Variants in AFAP1L1 observed in about 807,000 individuals in gnomAD.
AFAP1L1 encodes actin filament-associated protein 1-like 1.
AFAP1L1 carries 77 observed loss-of-function variants against 99.8 expected under a neutral mutation model. The ratio of observed to expected loss-of-function variants is 0.77; its 90% CI spans 0.64 to 0.93. The LOEUF is 0.93. Ranked by LOEUF, AFAP1L1 falls within the 40% of genes least tolerant of loss-of-function variation. The probability of loss-of-function intolerance (pLI) is 0.00; values close to 1 mark genes in which losing one functional copy is unlikely to be tolerated. For synonymous variants in AFAP1L1, 373 were observed against 395.3 expected, an observed-to-expected ratio of 0.94 and a Z score of 0.67; for missense variants, 893 against 996.8, an observed-to-expected ratio of 0.90 and a Z score of 1.40.
chr5:149,320,344 A>C lies in AFAP1L1; in HGVS notation c.1626-47A>C. Reference sequence around the variant, plus strand: ...AGGACACGAAAGCACTGTAAGCTGCAAAGCATCATTGTCATTGTCATTGTC... The same window carrying C: ...AGGACACGAAAGCACTGTAAGCTGCCAAGCATCATTGTCATTGTCATTGTC... On this transcript the variant is annotated intron_variant, in intron 13 of 18. Coordinates refer to ENST00000296721, the MANE Select transcript of AFAP1L1 (RefSeq NM_152406.4). The surrounding 1 kb of genome is among the most constrained non-coding windows in gnomAD (Gnocchi z 4.0). 1 of 1,584,160 alleles carries C rather than the reference A, an allele frequency of 6.3e-7. No homozygotes were observed. Among genetic ancestry groups the C allele is most frequent in the Non-Finnish European group, 8.7e-7 (1 of 1,153,370 alleles).
chr5:149,299,737 C>A, intron 2 of AFAP1L1, 100 bp downstream of exon 2: 2 of 1,537,434 alleles, frequency 1.3e-6, no homozygotes, highest in Non-Finnish European at 8.8e-7. Flanking sequence ...CCGCCCCACC[C>A]CCACCCCCAG....
chr5:149,306,437 A>C (rs1756416643), intron 6 of AFAP1L1, 33 bp downstream of exon 6: 1 of 1,573,280 alleles, frequency 6.4e-7, no homozygotes, highest in Non-Finnish European at 8.7e-7. Context: ...GATGCTGGGC[A>C]GGGCTTCTGC....
chr5:149,290,235 A>T (rs564168504), intron 1 of AFAP1L1, among the ~76,000 whole-genome samples: 58 of 152,360 alleles, frequency 3.8e-4, no homozygotes, highest in Non-Finnish European at 7.4e-4. Context: ...TCCCCCAAAA[A>T]TAAGACTTAA....
In AFAP1L1 at chr5:149,271,869, G is replaced by C; in HGVS notation, c.-100G>C. The C allele has an allele frequency of 1.0e-6, 1 of 955,326 alleles. No individual in the cohort carries two copies. The highest frequency in any genetic ancestry group is 1.3e-6 in the Non-Finnish European group (1 of 753,252). 59.2% of individuals were successfully genotyped at this position (955,326 alleles called of 1,614,324 possible). A position where few individuals can be genotyped will look rare whatever the true frequency, so the allele number is the denominator to read the frequency against. On this transcript the variant is annotated 5_prime_UTR_variant, in exon 1 of 19. Transcript: ENST00000296721. ...GGGGGAGGGGACCGCAGAGAGCGCC[G>C]GCCGCTGGGCTGGCCTGAGAGCGCA... is the stretch of plus-strand genomic sequence containing the variant.
intron 18 of AFAP1L1, among the ~76,000 whole-genome samples, chr5:149,336,339 A>G (rs1400848818): frequency 1.3e-5 from 2 of 152,254 alleles, no homozygotes; most frequent in Non-Finnish European, 2.9e-5. Flanking sequence ...ATATCAGGTC[A>G]GGTCAAGTTT....
At chr5:149,307,283 C>A in intron 6 of AFAP1L1, 119 bp from the exon 7 acceptor site, 1 of 1,027,466 alleles carries the variant, frequency 9.7e-7, no homozygotes, top group Non-Finnish European at 1.5e-6. Context: ...TTACCAGTGT[C>A]ATGCCTAATG....
At chr5:149,326,920 T>A (rs2127602171) in intron 15 of AFAP1L1, among the ~76,000 whole-genome samples, 1 of 152,210 alleles carries the variant, frequency 6.6e-6, no homozygotes, top group Middle Eastern at 3.4e-3. Flanking sequence ...TAGACTACAA[T>A]AAAATAGTTC....
At chr5:149,323,904 GACA>G (rs1450168289) in intron 15 of AFAP1L1, among the ~76,000 whole-genome samples, 1 of 152,164 alleles carries the variant, frequency 6.6e-6, no homozygotes, top group African/African-American at 2.4e-5. Flanking sequence ...GAATGTCAAC[GACA>G]ACAACAAAAA....
At chr5:149,300,191 T>C in intron 2 of AFAP1L1, 80 bp from the exon 3 acceptor site, 1 of 954,356 alleles carries the variant, frequency 1.0e-6, no homozygotes, top group Non-Finnish European at 1.6e-6. Context: ...GTGTCCCATG[T>C]GGGCTAGAAG....
At chr5:149,321,485 GGGAGGCTGA>G (rs1351557936) in intron 14 of AFAP1L1, among the ~76,000 whole-genome samples, 1 of 152,064 alleles carries the variant, frequency 6.6e-6, no homozygotes, top group East Asian at 1.9e-4. Context: ...CCAGTACTTT[GGGAGGCTGA>G]GGTGGGTGGA....
chr5:149,307,733 G>T, intron 7 of AFAP1L1, 120 bp downstream of exon 7: 4 of 985,374 alleles, frequency 4.1e-6, no homozygotes, highest in South Asian at 3.1e-5. Flanking sequence ...GTGCACAGAA[G>T]CTCAAAGGCC....
chr5:149,311,098 C>G (rs539213169), intron 8 of AFAP1L1, among the ~76,000 whole-genome samples: 14 of 152,312 alleles, frequency 9.2e-5, no homozygotes, highest in Admixed American at 9.1e-4. Context: ...CTTGCACCGC[C>G]TCTACTTCAC....
At position 149,302,384 on chromosome 5, in the gene AFAP1L1, C is replaced by T. The variant is rs373671366; in HGVS notation, c.328-34C>T. The stretch of plus-strand genomic sequence containing the variant: ...CAGCCTCTCTCTCCCTACCCTGCTC[C>T]GCTCCCCTAGCCCTCTTTTTTGTCC... On this transcript the variant is annotated intron_variant, in intron 4 of 18. Transcript: ENST00000296721. The T allele has an allele frequency of 6.7e-5, 101 of 1,517,718 alleles. 2 individuals carry two copies. The African/African-American group carries it at 8.4e-4, about 13-fold the overall frequency. 94.0% of individuals were successfully genotyped at this position (1,517,718 alleles called of 1,614,324 possible).
intron 18 of AFAP1L1, among the ~76,000 whole-genome samples, chr5:149,338,563 C>CTT (rs1757471688): frequency 6.6e-6 from 1 of 152,206 alleles, no homozygotes; most frequent in Non-Finnish European, 1.5e-5. Flanking sequence ...TTCTTTCCTA[C>CTT]AGTTAGTCAT....
At chr5:149,283,925 A>G (rs1319972123) in intron 1 of AFAP1L1, among the ~76,000 whole-genome samples, 1 of 152,200 alleles carries the variant, frequency 6.6e-6, no homozygotes, top group Non-Finnish European at 1.5e-5. Context: ...GGGTCCCTGA[A>G]TCTCCCAGTG....
At position 149,295,527 on chromosome 5, in the gene AFAP1L1, A is replaced by G. The variant is rs75514763; in HGVS notation, c.17-3982A>G. Among the ~76,000 whole-genome samples, 292 of 151,816 alleles carry G rather than the reference A, an allele frequency of 1.9e-3. 1 individual carries two copies. The highest frequency in any genetic ancestry group is 4.3e-3 in the African/African-American group (177 of 41,326). ...TGGAACCTCACAGCAAAAAGAAAGA[A>G]AGACAGAAGGAAAGAAAGAAACAAA... On this transcript the variant is annotated intron_variant, in intron 1 of 18. Transcript: ENST00000296721.
intron 15 of AFAP1L1, among the ~76,000 whole-genome samples, chr5:149,323,249 C>G (rs1278274206): frequency 6.6e-6 from 1 of 152,154 alleles, no homozygotes; most frequent in South Asian, 2.1e-4. Context: ...GAGAACTGAA[C>G]CTATCCAAAT....
intron 1 of AFAP1L1, among the ~76,000 whole-genome samples, chr5:149,296,723 T>G (rs1052147077): frequency 6.6e-6 from 1 of 152,212 alleles, no homozygotes; most frequent in Non-Finnish European, 1.5e-5. Flanking sequence ...AACCAACATT[T>G]AGTGTATGTA....
chr5:149,328,935 T>G (rs956930465), intron 15 of AFAP1L1, among the ~76,000 whole-genome samples: 5 of 152,198 alleles, frequency 3.3e-5, no homozygotes, highest in African/African-American at 1.2e-4. Flanking sequence ...TTTGTTTTTA[T>G]TGTCCATCAT....
Sources: allele counts gnomAD v4.1 joint callset (sites outside exome capture counted in the v4.1 genomes callset), GRCh38; gene constraint gnomAD v4.1.1; non-coding constraint Gnocchi (gnomAD v3.1); transcripts MANE v1.5; gene names NCBI Gene and HGNC (gene_info 2026-07-23, HGNC 2026-07-21).